Variants in ZFHX3 observed in about 807,000 individuals in gnomAD.
The protein encoded by ZFHX3 is zinc finger homeobox protein 3.
Under a neutral mutation model 279.1 loss-of-function variants are expected in ZFHX3, and 42 were observed. The ratio of observed to expected loss-of-function variants is 0.15; its 90% CI spans 0.12 to 0.19. The LOEUF is 0.19. Ranked by LOEUF, ZFHX3 falls within the 10% of genes least tolerant of loss-of-function variation. ZFHX3 has a pLI of 1.00. For synonymous variants in ZFHX3, 2,293 were observed against 1,957.8 expected (o/e 1.17, Z -4.52); for missense variants, 4,981 against 4,754.0 (o/e 1.05, Z -1.40).
chr16:73,194,522 G>A (rs1048045189), intron 5 of ZFHX3, among the ~76,000 whole-genome samples: 2 of 152,094 alleles, frequency 1.3e-5, no homozygotes, highest in Admixed American at 6.6e-5. Flanking sequence ...TACTTGCTAG[G>A]TCACCAGGAT....
intron 2 of ZFHX3, among the ~76,000 whole-genome samples, chr16:73,528,025 A>C (rs922214651): frequency 3.2e-4 from 49 of 152,174 alleles, no homozygotes; most frequent in African/African-American, 1.1e-3. Context: ...ACACCCACTA[A>C]TTCCACTGAT....
chr16:73,124,640 A>G (rs903690465), intron 7 of ZFHX3, among the ~76,000 whole-genome samples: 8 of 152,160 alleles, frequency 5.3e-5, no homozygotes, highest in Admixed American at 6.5e-5. Flanking sequence ...AGGGTCACAC[A>G]TCTGTATTAG....
intron 1 of ZFHX3, among the ~76,000 whole-genome samples, chr16:73,026,536 T>C (rs1395455247): frequency 1.3e-5 from 2 of 151,130 alleles, no homozygotes; most frequent in African/African-American, 4.9e-5. Context: ...CTAGGCATGG[T>C]GGCAGGCACC....
intron 1 of ZFHX3, among the ~76,000 whole-genome samples, chr16:73,864,194 A>G (rs904635763): frequency 6.6e-6 from 1 of 152,230 alleles, no homozygotes; most frequent in Non-Finnish European, 1.5e-5. Flanking sequence ...CTCAGCAAAC[A>G]CAGCACAAGG....
chr16:73,239,607 A>G (rs2013057543), intron 5 of ZFHX3, among the ~76,000 whole-genome samples: 1 of 152,170 alleles, frequency 6.6e-6, no homozygotes, highest in South Asian at 2.1e-4. Context: ...TTCTTCGCCT[A>G]TCTTCCAGCA....
At position 73,178,112 on chromosome 16, in the gene ZFHX3, C is replaced by T. The variant is rs982884994; in HGVS notation, c.-1103-34281G>A. Among the ~76,000 whole-genome samples the T allele has an allele frequency of 5.3e-5, 8 of 152,174 alleles. No homozygotes were observed. The South Asian group carries it at 1.7e-3, about 32-fold the overall frequency. The stretch of plus-strand genomic sequence containing the variant: ...AGCAATGTAAATTAGTTTAATCCCT[C>T]TCCCACACACCATCCTTCAAAATTC... On this transcript the variant is annotated intron_variant, in intron 5 of 17. Coordinates refer to the ZFHX3 transcript ENST00000641206.
At chr16:73,401,694 G>C (rs996615430) in intron 3 of ZFHX3, 2 of 152,136 alleles carry the variant, frequency 1.3e-5, no homozygotes, top group African/African-American at 4.8e-5. Context: ...ATAAAAACTG[G>C]AAAGTGTACT....
At chr16:73,748,388 C>T (rs1299406714) in intron 1 of ZFHX3, among the ~76,000 whole-genome samples, 2 of 152,120 alleles carry the variant, frequency 1.3e-5, no homozygotes, top group Non-Finnish European at 2.9e-5. Flanking sequence ...TTTAAAAAAC[C>T]TAATGTTAGT....
At chr16:73,070,048 C>T (rs1965803176) in intron 8 of ZFHX3, among the ~76,000 whole-genome samples, 2 of 152,066 alleles carry the variant, frequency 1.3e-5, no homozygotes, top group Non-Finnish European at 2.9e-5. Context: ...TTTAAAGTGC[C>T]CCGAACTCCT....
intron 4 of ZFHX3, among the ~76,000 whole-genome samples, chr16:73,291,378 G>C (rs1486318174): frequency 6.6e-6 from 1 of 152,202 alleles, no homozygotes; most frequent in African/African-American, 2.4e-5. Flanking sequence ...GGAGTTTCCA[G>C]GTTCTTGAAC....
intron 1 of ZFHX3, among the ~76,000 whole-genome samples, chr16:73,882,212 G>A (rs1191539660): frequency 6.6e-6 from 1 of 151,936 alleles, no homozygotes; most frequent in Non-Finnish European, 1.5e-5. Context: ...CCCACCTCAC[G>A]TTTTAAGGCT....
At chr16:73,183,182 G>A (rs1018668309) in intron 5 of ZFHX3, among the ~76,000 whole-genome samples, 18 of 152,270 alleles carry the variant, frequency 1.2e-4, no homozygotes, top group Admixed American at 7.8e-4. Context: ...TCCAGCCTGG[G>A]CAACAGAGTA....
chr16:73,809,026 T>C (rs1465039339), intron 1 of ZFHX3, among the ~76,000 whole-genome samples: 2 of 152,164 alleles, frequency 1.3e-5, no homozygotes, highest in Admixed American at 6.5e-5. Context: ...TGGGTTTGTT[T>C]CTGTAATGCA....
chr16:73,214,225 G>A (rs908539100), intron 5 of ZFHX3, among the ~76,000 whole-genome samples: 13 of 152,196 alleles, frequency 8.5e-5, no homozygotes, highest in African/African-American at 2.4e-4. Context: ...AGTCAAAGTC[G>A]GGATGAAAGC....
chr16:73,765,895 C>T (rs565742348), intron 1 of ZFHX3, among the ~76,000 whole-genome samples: 4 of 152,166 alleles, frequency 2.6e-5, no homozygotes, highest in Admixed American at 6.5e-5. Flanking sequence ...AGGAGGCTTA[C>T]GTGAGACTGG....
intron 2 of ZFHX3, among the ~76,000 whole-genome samples, chr16:73,472,577 A>G (rs1183685993): frequency 6.6e-6 from 1 of 151,896 alleles, no homozygotes; most frequent in Non-Finnish European, 1.5e-5. Flanking sequence ...TCTATTTACC[A>G]CTCCAGACTC....
At chr16:73,000,254 G>A (rs552720950) in intron 1 of ZFHX3, among the ~76,000 whole-genome samples, 1 of 152,228 alleles carries the variant, frequency 6.6e-6, no homozygotes, top group African/African-American at 2.4e-5. Flanking sequence ...AGGGAGGGAC[G>A]AAGGGCACGC....
At chr16:73,843,262 G>A (rs888940651) in intron 1 of ZFHX3, among the ~76,000 whole-genome samples, 12 of 152,180 alleles carry the variant, frequency 7.9e-5, no homozygotes, top group African/African-American at 2.7e-4. Flanking sequence ...AGTCAATCAC[G>A]CCAATAGAAA....
chr16:73,070,923 C>G (rs1394627585), intron 8 of ZFHX3, among the ~76,000 whole-genome samples: 4 of 31,110 alleles, frequency 1.3e-4, no homozygotes, highest in Non-Finnish European at 2.1e-4. Flanking sequence ...CTTGCGCGCG[C>G]GCGCGCGCGC....
Sources: allele counts gnomAD v4.1 joint callset (sites outside exome capture counted in the v4.1 genomes callset), GRCh38; gene constraint gnomAD v4.1.1; transcripts MANE v1.5; gene names NCBI Gene and HGNC (gene_info 2026-07-23, HGNC 2026-07-21).